Variants in RASGRF1 observed in about 807,000 individuals in gnomAD.
The protein encoded by RASGRF1 is ras-specific guanine nucleotide-releasing factor 1.
A neutral mutation model predicts 138.7 loss-of-function variants in RASGRF1; 40 were observed. The ratio of observed to expected loss-of-function variants is 0.29; its 90% confidence interval spans 0.22 to 0.38. RASGRF1 has a LOEUF of 0.38. Ranked by LOEUF, RASGRF1 falls within the 10% of genes least tolerant of loss-of-function variation. The probability of loss-of-function intolerance (pLI) is 1.00; values close to 1 mark genes in which losing one functional copy is unlikely to be tolerated. For missense variants in RASGRF1, 1,108 were observed against 1,650.4 expected, an observed-to-expected ratio of 0.67 and a Z score of 5.69; for synonymous variants, 614 against 663.2, an observed-to-expected ratio of 0.93 and a Z score of 1.14.
intron 2 of RASGRF1, among the ~76,000 whole-genome samples, chr15:79,062,818 A>G (rs1454003707): frequency 6.6e-6 from 1 of 152,152 alleles, no homozygotes; most frequent in African/African-American, 2.4e-5. Flanking sequence ...GGTTGGGATT[A>G]CAGGCGTGAA....
intron 2 of RASGRF1, 82 bp downstream of exon 2, chr15:79,064,337 GC>G: frequency 1.5e-6 from 2 of 1,323,864 alleles, no homozygotes; most frequent in Non-Finnish European, 2.1e-6. Context: ...ATGGGGCTTG[GC>G]TTTGTTCAAA....
At chr15:79,075,936 AC>A (rs2057827421) in intron 1 of RASGRF1, among the ~76,000 whole-genome samples, 1 of 152,088 alleles carries the variant, frequency 6.6e-6, no homozygotes, top group Non-Finnish European at 1.5e-5. Flanking sequence ...GATTTCCCAC[AC>A]CTTTTACTCT....
At chr15:79,012,450 C>T (rs766018847) in intron 13 of RASGRF1, 1 of 1,362,350 alleles carries the variant, frequency 7.3e-7, no homozygotes, top group South Asian at 1.2e-5. Context: ...CTCTCTCTCT[C>T]TCACTAAACG....
chr15:79,058,538 A>T (rs952910200), intron 2 of RASGRF1, 57 bp from the exon 3 acceptor site: 36 of 1,596,422 alleles, frequency 2.3e-5, no homozygotes, highest in Non-Finnish European at 3.0e-5. Flanking sequence ...CTGGCGAACC[A>T]AGCAGGGCAC....
intron 1 of RASGRF1, among the ~76,000 whole-genome samples, chr15:79,089,870 C>G (rs2058030700): frequency 6.6e-6 from 1 of 152,182 alleles, no homozygotes; most frequent in Admixed American, 6.5e-5. Context: ...GGGTTGGGAG[C>G]ACCATTTTTG....
At chr15:78,982,574 C>T (rs558864415) in intron 23 of RASGRF1, among the ~76,000 whole-genome samples, 1 of 152,084 alleles carries the variant, frequency 6.6e-6, no homozygotes, top group African/African-American at 2.4e-5. Flanking sequence ...AGTGTGGACA[C>T]CAGCAGGCAG....
chr15:79,010,001 G>C (rs1415926925), intron 13 of RASGRF1, among the ~76,000 whole-genome samples: 1 of 151,024 alleles, frequency 6.6e-6, no homozygotes, highest in Non-Finnish European at 1.5e-5. Flanking sequence ...GGGATTACAG[G>C]AGTGAGCCAC....
At chr15:79,022,194 C>G (rs868217503) in intron 10 of RASGRF1, among the ~76,000 whole-genome samples, 2 of 152,186 alleles carry the variant, frequency 1.3e-5, no homozygotes, top group Non-Finnish European at 2.9e-5. Flanking sequence ...AATCCCAGCA[C>G]TTTGGGAGGC....
intron 12 of RASGRF1, among the ~76,000 whole-genome samples, chr15:79,016,670 A>AT (rs924456014): frequency 2.0e-5 from 3 of 152,190 alleles, no homozygotes; most frequent in Non-Finnish European, 2.9e-5. Flanking sequence ...TTTTGAAGAC[A>AT]TGTGGGAAGA....
At chr15:79,071,113 T>C (rs558758838) in intron 1 of RASGRF1, among the ~76,000 whole-genome samples, 72 of 152,342 alleles carry the variant, frequency 4.7e-4, no homozygotes, top group African/African-American at 1.5e-3. Flanking sequence ...GGGAGATGAA[T>C]GTTGGCTTGG....
rs936132934 is a variant in RASGRF1 at position 79,090,758 on chromosome 15, G to A, written c.-260C>T. On this transcript the variant is annotated 5_prime_UTR_variant, in exon 1 of 27. Coordinates refer to ENST00000558480, the MANE Select transcript of RASGRF1 (RefSeq NM_001145648.3). Reference sequence around the variant, plus strand: ...GGAAGATGCCGCCCGACCCTCCTCCGGTGCCGGGCAAACTGAGGGACTGGC... The same window carrying A: ...GGAAGATGCCGCCCGACCCTCCTCCAGTGCCGGGCAAACTGAGGGACTGGC... 3 of 513,026 alleles carry A rather than the reference G, an allele frequency of 5.8e-6. No homozygotes were observed. Among genetic ancestry groups the A allele is most frequent in the Non-Finnish European group, 6.8e-6 (2 of 295,518 alleles). 31.8% of individuals were successfully genotyped at this position (513,026 alleles called of 1,614,324 possible). A position where few individuals can be genotyped will look rare whatever the true frequency, so the allele number is the denominator to read the frequency against.
chr15:79,003,722 CCCTGAGG>C, intron 15 of RASGRF1, 73 bp downstream of exon 15: 1 of 1,513,178 alleles, frequency 6.6e-7, no homozygotes, highest in Non-Finnish European at 8.8e-7. Context: ...GGAAGAGCAG[CCCTGAGG>C]CCTTGCTGGG....
Position 79,025,310 on chromosome 15 carries a change from T to C in RASGRF1, c.1542+4A>G. On this transcript the variant is annotated splice_donor_region_variant and intron_variant, in intron 10 of 26. Coordinates refer to ENST00000558480, the MANE Select transcript of RASGRF1 (RefSeq NM_001145648.3). ...CCCCCAAGCCCCTCTCCCGTAGCCC[T>C]TACCTTGGTCAAGTGAAGCTTCCCT... 6.2e-7 allele frequency: 1 copy of C among 1,605,740 alleles called. No individual in the cohort carries two copies. Among genetic ancestry groups the C allele is most frequent in the East Asian group, 2.2e-5 (1 of 44,674 alleles).
intron 5 of RASGRF1, among the ~76,000 whole-genome samples, chr15:79,035,663 GCAC>G (rs2057210743): frequency 2.0e-5 from 3 of 152,340 alleles, no homozygotes; most frequent in Admixed American, 2.0e-4. Flanking sequence ...TTTGGGATTA[GCAC>G]AGAGGGGGGC....
chr15:79,005,428 G>T (rs1325564628), intron 14 of RASGRF1: 3 of 985,354 alleles, frequency 3.0e-6, no homozygotes, highest in Middle Eastern at 5.2e-4. Context: ...AGCCTCTGAG[G>T]GCTGGGATGG....
intron 22 of RASGRF1, 132 bp from the exon 23 acceptor site, chr15:78,985,336 A>C: frequency 1.0e-6 from 1 of 980,640 alleles, no homozygotes; most frequent in Non-Finnish European, 1.5e-6. Context: ...AGAACAACTA[A>C]CAGAGCTTGC....
rs545675118 is a variant in RASGRF1 at position 79,055,744 on chromosome 15, A to C, written c.531+2590T>G. On this transcript the variant is annotated intron_variant, in intron 3 of 26. Coordinates refer to ENST00000558480, the MANE Select transcript of RASGRF1 (RefSeq NM_001145648.3). ...AAACCCACACCTCCCAGGCTATCAA[A>C]CAACCAATTTCCTGACTTGGGTTCA... 5.9e-5 allele frequency among the ~76,000 whole-genome samples: 9 copies of C among 152,252 alleles called. No individual in the cohort carries two copies. The South Asian group carries it at 1.9e-3, about 32-fold the overall frequency.
At position 79,029,354 on chromosome 15, in the gene RASGRF1, T is replaced by G. The variant is rs1015947349; in HGVS notation, c.1263-1495A>C. 4.6e-5 allele frequency among the ~76,000 whole-genome samples: 7 copies of G among 152,186 alleles called. No individual in the cohort carries two copies. The South Asian group carries it at 1.5e-3, about 32-fold the overall frequency. On this transcript the variant is annotated intron_variant, in intron 8 of 26. Transcript: ENST00000558480. ...TGGTAATTAAAACCACTTCTCTTGA[T>G]GAGGGTGGGGTTTTGCGGGGGAAGC...
chr15:79,011,522 T>C (rs976369819), intron 13 of RASGRF1, among the ~76,000 whole-genome samples: 1 of 152,198 alleles, frequency 6.6e-6, no homozygotes, highest in African/African-American at 2.4e-5. Flanking sequence ...TGGCAATGGC[T>C]ATTCTGACCC....
Sources: allele counts gnomAD v4.1 joint callset (sites outside exome capture counted in the v4.1 genomes callset), GRCh38; gene constraint gnomAD v4.1.1; transcripts MANE v1.5; gene names NCBI Gene and HGNC (gene_info 2026-07-23, HGNC 2026-07-21).